Variants in GMDS observed in about 807,000 individuals in gnomAD.
GMDS encodes GDP-mannose 4,6 dehydratase.
Under a neutral mutation model 49.9 loss-of-function variants are expected in GMDS, and 20 were observed. That is an observed-to-expected ratio of 0.40 (90% CI 0.28 to 0.58). The LOEUF (loss-of-function observed/expected upper bound fraction) is 0.58. GMDS is among the 20% of genes least tolerant of loss of function. The pLI is 0.42. For missense variants in GMDS, 362 were observed against 481.4 expected (o/e 0.75, Z 2.32); for synonymous variants, 177 against 178.6 (o/e 0.99, Z 0.07).
chr6:2,094,082 G>A (rs1489788587), intron 4 of GMDS, among the ~76,000 whole-genome samples: 1 of 152,162 alleles, frequency 6.6e-6, no homozygotes, highest in African/African-American at 2.4e-5. Flanking sequence ...CTGGCTAAAT[G>A]ACCACTCCCA....
chr6:1,704,621 T>C (rs920207756), intron 9 of GMDS, among the ~76,000 whole-genome samples: 2 of 152,122 alleles, frequency 1.3e-5, no homozygotes, highest in African/African-American at 4.8e-5. Context: ...CTGAAAAGAG[T>C]AAATTACCAA....
chr6:1,967,303 T>C (rs1764316964), intron 4 of GMDS, among the ~76,000 whole-genome samples: 1 of 152,236 alleles, frequency 6.6e-6, no homozygotes, highest in South Asian at 2.1e-4. Context: ...TTCTCCGCAG[T>C]GTCTCCCATG....
Position 1,959,929 on chromosome 6 carries a change from CG to C in GMDS, c.580del (p.Arg194ValfsTer9). 6.2e-7 allele frequency: 1 copy of C among 1,610,756 alleles called. No homozygotes were observed. Among genetic ancestry groups the C allele is most frequent in the African/African-American group, 1.3e-5 (1 of 74,970 alleles). ...LYAYWIVVNFREAYNLFAVNG... is the reference protein window; with the variant it reads ...LYAYWIVVNFXEAYNLFAVNG... ...CACTGCAAAGAGATTATACGCCTCACGGAAGTTCACCACAATCCAATAGGCA... is the reference window on the plus strand; with the variant it reads ...CACTGCAAAGAGATTATACGCCTCACGAAGTTCACCACAATCCAATAGGCA... On this transcript the variant is annotated frameshift_variant, in exon 6 of 11. Coordinates refer to ENST00000380815, the MANE Select transcript of GMDS (RefSeq NM_001500.4). LOFTEE classifies it high-confidence loss of function.
chr6:2,045,181 C>T lies in GMDS; in HGVS notation c.345+70590G>A, dbSNP rs1396239272. ...TCATTATTTTTCCCATATCTTTTAT[C>T]ATGTTAAAAAGTCTTAAATTTAAGG... On this transcript the variant is annotated intron_variant, in intron 4 of 10. Coordinates refer to ENST00000380815, the MANE Select transcript of GMDS (RefSeq NM_001500.4). 7.9e-5 allele frequency among the ~76,000 whole-genome samples: 12 copies of T among 151,836 alleles called. No homozygotes were observed. In the East Asian group the frequency reaches 2.1e-3, roughly 27 times the overall value.
chr6:1,691,660 A>G (rs1361203382), intron 9 of GMDS, among the ~76,000 whole-genome samples: 1 of 152,220 alleles, frequency 6.6e-6, no homozygotes, highest in Admixed American at 6.5e-5. Flanking sequence ...TATATGGTAT[A>G]GTTACAGTGT....
At chr6:2,066,843 T>C (rs1310458618) in intron 4 of GMDS, among the ~76,000 whole-genome samples, 3 of 151,668 alleles carry the variant, frequency 2.0e-5, no homozygotes, top group South Asian at 2.1e-4. Flanking sequence ...CTGTCAACAT[T>C]AGACAGATCA....
chr6:1,922,273 G>A (rs1241201931), intron 7 of GMDS, among the ~76,000 whole-genome samples: 4 of 152,214 alleles, frequency 2.6e-5, no homozygotes, highest in Admixed American at 2.6e-4. Context: ...CACTTTATGA[G>A]ACAGATACAA....
intron 4 of GMDS, among the ~76,000 whole-genome samples, chr6:1,971,028 G>A (rs1403335692): frequency 6.6e-6 from 1 of 152,062 alleles, no homozygotes; most frequent in Non-Finnish European, 1.5e-5. Flanking sequence ...GGTTTGGAAA[G>A]GTGAGGATGA....
intron 4 of GMDS, among the ~76,000 whole-genome samples, chr6:2,030,151 A>C (rs987097486): frequency 1.3e-5 from 2 of 152,180 alleles, no homozygotes; most frequent in Non-Finnish European, 2.9e-5. Context: ...CAGATCCATC[A>C]CTGCTGGTTA....
At chr6:1,679,823 A>G (rs1407929963) in intron 9 of GMDS, 1 of 152,216 alleles carries the variant, frequency 6.6e-6, no homozygotes, top group East Asian at 1.9e-4. Context: ...TTACAAAACA[A>G]ATCTTAGCTT....
At chr6:1,673,237 G>T (rs1413696176) in intron 9 of GMDS, among the ~76,000 whole-genome samples, 1 of 152,076 alleles carries the variant, frequency 6.6e-6, no homozygotes, top group African/African-American at 2.4e-5. Context: ...GTGGCTGCTT[G>T]GTTCAACAAA....
At chr6:1,776,935 T>C (rs1163918293) in intron 7 of GMDS, among the ~76,000 whole-genome samples, 1 of 152,134 alleles carries the variant, frequency 6.6e-6, no homozygotes, top group African/African-American at 2.4e-5. Context: ...CCAAACCTCA[T>C]CAACTAAGGA....
chr6:1,727,871 T>C (rs888455441), intron 8 of GMDS, among the ~76,000 whole-genome samples: 4 of 152,370 alleles, frequency 2.6e-5, no homozygotes, highest in Admixed American at 1.3e-4. Flanking sequence ...GCGCAGTATG[T>C]TGAATAATAT....
At chr6:1,807,098 G>A (rs555043066) in intron 7 of GMDS, among the ~76,000 whole-genome samples, 20 of 151,952 alleles carry the variant, frequency 1.3e-4, no homozygotes, top group African/African-American at 3.4e-4. Flanking sequence ...GCTGGAGTGC[G>A]GTGTGGCAAT....
At chr6:1,924,259 T>A (rs1369600242) in intron 7 of GMDS, among the ~76,000 whole-genome samples, 2 of 152,176 alleles carry the variant, frequency 1.3e-5, no homozygotes, top group African/African-American at 4.8e-5. Flanking sequence ...CCCTGCCACC[T>A]CCACACAAAA....
chr6:2,107,227 AGAG>A (rs1774293633), intron 4 of GMDS, among the ~76,000 whole-genome samples: 1 of 152,228 alleles, frequency 6.6e-6, no homozygotes, highest in Non-Finnish European at 1.5e-5. Context: ...TTGAACAGGG[AGAG>A]GAGAACTTTC....
intron 7 of GMDS, among the ~76,000 whole-genome samples, chr6:1,862,176 C>T (rs774479735): frequency 2.0e-5 from 3 of 152,210 alleles, no homozygotes; most frequent in East Asian, 1.9e-4. Context: ...TGGGACTTCG[C>T]ATTCTTCATA....
At chr6:1,860,453 G>A (rs557135322) in intron 7 of GMDS, among the ~76,000 whole-genome samples, 8 of 152,302 alleles carry the variant, frequency 5.3e-5, no homozygotes, top group African/African-American at 1.7e-4. Context: ...ATTATAAGGT[G>A]GGGGCTGGGG....
chr6:1,747,500 A>ACG (rs1320428509), intron 7 of GMDS, among the ~76,000 whole-genome samples: 3 of 147,988 alleles, frequency 2.0e-5, no homozygotes, highest in Non-Finnish European at 4.5e-5. Flanking sequence ...GCACACACAC[A>ACG]CACACACACT....
Sources: gnomAD v4.1 joint callset for allele counts (sites outside exome capture counted in the v4.1 genomes callset) on GRCh38, gnomAD v4.1.1 for gene constraint, MANE v1.5 for transcripts, NCBI Gene and HGNC (gene_info 2026-07-23, HGNC 2026-07-21) for gene names.